ZNF91: variants seen among roughly 807,000 people sequenced by gnomAD.
ZNF91 encodes the protein zinc finger protein 91 (HPF7, HTF10).
Under a neutral mutation model 12.6 loss-of-function variants are expected in ZNF91, and 7 were observed. The observed-to-expected ratio is 0.55, with a 90% CI of 0.31 to 1.04. The LOEUF (loss-of-function observed/expected upper bound fraction) is 1.04, where lower values mean the gene tolerates loss of function less well. Ranked by LOEUF, ZNF91 falls within the 50% of genes least tolerant of loss-of-function variation. The pLI is 0.05. For synonymous variants in ZNF91, 453 were observed against 462.6 expected (o/e 0.98, Z 0.27); for missense variants, 1,217 against 1,385.4 (o/e 0.88, Z 1.93).
chr19:23,329,477 T>C (rs1388019798), intron 1 of ZNF91, among the ~76,000 whole-genome samples: 1 of 152,106 alleles, frequency 6.6e-6, no homozygotes, highest in Non-Finnish European at 1.5e-5. Flanking sequence ...GTCTTAGAGA[T>C]GTATCAATAT....
At chr19:23,321,698 A>T (rs1967699607) in intron 1 of ZNF91, among the ~76,000 whole-genome samples, 1 of 151,756 alleles carries the variant, frequency 6.6e-6, no homozygotes, top group African/African-American at 2.4e-5. Context: ...TCTTGCCTTG[A>T]CTCTGTCAAA....
chr19:23,352,063 G>A (rs1285024354), intron 3 of ZNF91, among the ~76,000 whole-genome samples: 3 of 152,214 alleles, frequency 2.0e-5, no homozygotes, highest in South Asian at 4.1e-4. Flanking sequence ...AGGGGAAGGC[G>A]AGAACCTGGC....
downstream of ZNF91, among the ~76,000 whole-genome samples, chr19:23,334,196 G>A (rs1967967691): frequency 6.6e-6 from 1 of 152,170 alleles, no homozygotes; most frequent in African/African-American, 2.4e-5. Context: ...GCTTATTTGA[G>A]GACAGGGTAG....
chr19:23,323,500 C>T (rs1306646980), intron 1 of ZNF91, among the ~76,000 whole-genome samples: 1 of 125,696 alleles, frequency 8.0e-6, no homozygotes, highest in African/African-American at 3.5e-5. Flanking sequence ...TATCATCCTC[C>T]TTTTCCTTTC....
Position 23,360,594 on chromosome 19 carries a change from C to T in ZNF91, c.2385G>A (p.Glu795=), listed in dbSNP as rs1968698302. 1 of 1,613,978 alleles carries T rather than the reference C, an allele frequency of 6.2e-7. No homozygotes were observed. Among genetic ancestry groups the T allele is most frequent in the Non-Finnish European group, 8.5e-7 (1 of 1,179,958 alleles). ...CACATTCTTCACATTTGTAGGGCTT[C>T]TCTCCAGTGTGTATCCTCTTATGTC... The part of the protein sequence containing the change: ...LTRHKRIHTG[E]KPYKCEECGK... The change falls in exon 4 of 4, where the codon GAG becomes GAA. Residue 795 remains glutamate (E), a synonymous_variant. Transcript: ENST00000300619.
downstream of ZNF91, among the ~76,000 whole-genome samples, chr19:23,353,038 C>T (rs1318889639): frequency 6.6e-6 from 1 of 152,152 alleles, no homozygotes; most frequent in African/African-American, 2.4e-5. Flanking sequence ...ACTGACAGCA[C>T]TAGACAGGTC....
At chr19:23,338,913 G>T (rs1039172813) in exon 4 of ZNF91, 6 of 151,954 alleles carry the variant, frequency 3.9e-5, no homozygotes, top group Non-Finnish European at 2.9e-5. Context: ...TTAGCTGAGC[G>T]TGGTGGTGTG....
intron 1 of ZNF91, among the ~76,000 whole-genome samples, chr19:23,388,405 G>A (rs974973015): frequency 4.0e-5 from 6 of 151,846 alleles, no homozygotes; most frequent in African/African-American, 1.5e-4. Flanking sequence ...CACAACAGAG[G>A]CTGAATAGCC....
chr19:23,334,928 T>C (rs913006459), downstream of ZNF91, among the ~76,000 whole-genome samples: 1 of 152,208 alleles, frequency 6.6e-6, no homozygotes, highest in Non-Finnish European at 1.5e-5. Flanking sequence ...ATTAAAATAA[T>C]GAGACGCCAG....
At position 23,359,105 on chromosome 19, in the gene ZNF91, C is replaced by T. The variant is rs925118221; in HGVS notation, c.*298G>A. On this transcript the variant is annotated 3_prime_UTR_variant, in exon 4 of 4. Transcript: ENST00000300619. ...GACCAGAAAAAGGATTTGCCACATT[C>T]TTCACATTTGTAGAGTTTTACTCCA... The T allele has an allele frequency of 7.1e-6, 4 of 561,432 alleles. No individual in the cohort carries two copies. Among genetic ancestry groups the T allele is most frequent in the Non-Finnish European group, 1.4e-5 (4 of 294,262 alleles). The allele number at this position is 561,432 out of a possible 1,614,324, so 34.8% of individuals were successfully genotyped here. A position where few individuals can be genotyped will look rare whatever the true frequency, so the allele number is the denominator to read the frequency against.
chr19:23,373,667 T>C, intron 3 of ZNF91, 75 bp downstream of exon 3: 2 of 1,166,460 alleles, frequency 1.7e-6, no homozygotes, highest in Non-Finnish European at 2.4e-6. Context: ...GCTTCTCAGA[T>C]CACTTTAAAG....
At chr19:23,392,260 G>T (rs1970090898) in intron 1 of ZNF91, among the ~76,000 whole-genome samples, 1 of 151,874 alleles carries the variant, frequency 6.6e-6, no homozygotes, top group Non-Finnish European at 1.5e-5. Context: ...GCCGGGCGTT[G>T]TGGCAAGCGC....
At chr19:23,316,938 T>A (rs1967572566) in intron 1 of ZNF91, among the ~76,000 whole-genome samples, 4 of 152,144 alleles carry the variant, frequency 2.6e-5, no homozygotes, top group African/African-American at 9.7e-5. Context: ...AGGTCCTGAA[T>A]CTCACAGGTC....
intron 1 of ZNF91, among the ~76,000 whole-genome samples, chr19:23,320,969 G>A (rs528028487): frequency 2.0e-4 from 30 of 152,290 alleles, no homozygotes; most frequent in South Asian, 1.0e-3. Flanking sequence ...GTCAGGCTGC[G>A]ACTTATCTAA....
chr19:23,341,008 C>G (rs1327531545), intron 3 of ZNF91, among the ~76,000 whole-genome samples: 1 of 150,864 alleles, frequency 6.6e-6, no homozygotes, highest in Non-Finnish European at 1.5e-5. Context: ...AAATAGCCAA[C>G]ACGCATATGA....
At chr19:23,363,429 A>G (rs1435451624) in intron 3 of ZNF91, among the ~76,000 whole-genome samples, 3 of 152,240 alleles carry the variant, frequency 2.0e-5, no homozygotes, top group Non-Finnish European at 2.9e-5. Flanking sequence ...AGGCATAGCA[A>G]GTGATTACTG....
intron 3 of ZNF91, among the ~76,000 whole-genome samples, chr19:23,372,554 GT>G (rs891337061): frequency 2.0e-5 from 3 of 152,028 alleles, no homozygotes; most frequent in African/African-American, 7.2e-5. Flanking sequence ...CAGGACTACT[GT>G]TTTTGGCTAC....
At chr19:23,372,869 T>G (rs1969341816) in intron 3 of ZNF91, among the ~76,000 whole-genome samples, 1 of 152,160 alleles carries the variant, frequency 6.6e-6, no homozygotes, top group Non-Finnish European at 1.5e-5. Flanking sequence ...GCCATGCTCA[T>G]CCACATCCTC....
intron 3 of ZNF91, among the ~76,000 whole-genome samples, chr19:23,349,449 C>T (rs1555736251): frequency 6.6e-6 from 1 of 152,148 alleles, no homozygotes; most frequent in Non-Finnish European, 1.5e-5. Flanking sequence ...GATAGCCAAA[C>T]TTTTGTCTTG....
Sources: gnomAD v4.1 joint callset for allele counts (sites outside exome capture counted in the v4.1 genomes callset) on GRCh38, gnomAD v4.1.1 for gene constraint, MANE v1.5 for transcripts, NCBI Gene and HGNC (gene_info 2026-07-23, HGNC 2026-07-21) for gene names.